Variants in CD274 observed in about 807,000 individuals in gnomAD.
CD274 encodes the protein programmed cell death 1 ligand 1.
In CD274, 8 loss-of-function variants were observed where a neutral mutation model predicts 30.1. The ratio of observed to expected loss-of-function variants is 0.27; its 90% CI spans 0.16 to 0.48. The LOEUF (loss-of-function observed/expected upper bound fraction) is 0.48, where lower values mean the gene tolerates loss of function less well. Among genes scored for constraint, CD274 ranks in the 20% least tolerant of loss-of-function variants. CD274 has a pLI of 0.99. For synonymous variants in CD274, 152 were observed against 124.6 expected (o/e 1.22, Z -1.46); for missense variants, 353 against 346.6 (o/e 1.02, Z -0.15).
intron 1 of CD274, among the ~76,000 whole-genome samples, chr9:5,455,196 T>C (rs1163662527): frequency 6.6e-6 from 1 of 152,102 alleles, no homozygotes; most frequent in Non-Finnish European, 1.5e-5. Flanking sequence ...GGAGAAAATA[T>C]TAATAAATGC....
rs1819562291 is a variant in CD274, at chr9:5,469,914, T to A, written c.*2052T>A. 4.3e-6 allele frequency: 1 copy of A among 233,104 alleles called. No homozygotes were observed. The highest frequency in any genetic ancestry group is 8.5e-6 in the Non-Finnish European group (1 of 117,980). 14.4% of individuals were successfully genotyped at this position (233,104 alleles called of 1,614,324 possible). Reference sequence around the variant, plus strand: ...AAGTATAAACTTCACTTTGATGCTGTACTTGCAAAATCACATTTTCTTTCT... The same window carrying A: ...AAGTATAAACTTCACTTTGATGCTGAACTTGCAAAATCACATTTTCTTTCT... On this transcript the variant is annotated 3_prime_UTR_variant, in exon 7 of 7. Transcript: ENST00000381577.
intron 4 of CD274, among the ~76,000 whole-genome samples, chr9:5,464,166 C>T (rs183646833): frequency 6.6e-6 from 1 of 152,218 alleles, no homozygotes; most frequent in African/African-American, 2.4e-5. Context: ...TACTGGGGTA[C>T]GAGTCCTCAG....
intron 3 of CD274, 113 bp from the exon 4 acceptor site, chr9:5,462,721 A>C: frequency 2.2e-6 from 2 of 927,062 alleles, no homozygotes; most frequent in Non-Finnish European, 3.3e-6. Context: ...CATTAAGCAT[A>C]TCCCTCTGAG....
Position 5,463,755 on chromosome 9 carries a change from G to A in CD274, c.682+634G>A, listed in dbSNP as rs191111580. On this transcript the variant is annotated intron_variant, in intron 4 of 6. Transcript: ENST00000381577. ...GACTTCTGTGTGCTTCACTTTCCCTGTAGGATTATAATCTACTGAGCAAGC... is the reference window on the plus strand; with the variant it reads ...GACTTCTGTGTGCTTCACTTTCCCTATAGGATTATAATCTACTGAGCAAGC... Among the ~76,000 whole-genome samples the A allele has an allele frequency of 6.2e-4, 94 of 152,300 alleles. 1 individual carries two copies. In the East Asian group the frequency reaches 0.01, roughly 17 times the overall value.
At chr9:5,455,259 A>T (rs1450733271) in intron 1 of CD274, among the ~76,000 whole-genome samples, 2 of 152,190 alleles carry the variant, frequency 1.3e-5, no homozygotes, top group Non-Finnish European at 2.9e-5. Flanking sequence ...TTCAACATAA[A>T]CTGCAAAAGG....
At chr9:5,467,480 T>A (rs1819516562) in intron 6 of CD274, among the ~76,000 whole-genome samples, 1 of 152,168 alleles carries the variant, frequency 6.6e-6, no homozygotes. Flanking sequence ...CTAATTTTTT[T>A]AATGTAGTTA....
rs1403472216 is a variant in CD274 at position 5,470,026 on chromosome 9, G to A, written c.*2164G>A. On this transcript the variant is annotated 3_prime_UTR_variant, in exon 7 of 7. Coordinates refer to ENST00000381577, the MANE Select transcript of CD274 (RefSeq NM_014143.4). ...GTGCTTGAACCCTTGAATGCCACCAGCTGTCATCACTACACAGCCCTCCTA... is the reference window on the plus strand; with the variant it reads ...GTGCTTGAACCCTTGAATGCCACCAACTGTCATCACTACACAGCCCTCCTA... The A allele has an allele frequency of 4.3e-6, 1 of 232,990 alleles. No homozygotes were observed. Among genetic ancestry groups the A allele is most frequent in the Admixed American group, 5.6e-5 (1 of 17,766 alleles). The allele number at this position is 232,990 out of a possible 1,614,324, so 14.4% of individuals were successfully genotyped here.
chr9:5,467,426 C>T (rs1370464677), intron 6 of CD274, among the ~76,000 whole-genome samples: 1 of 152,140 alleles, frequency 6.6e-6, no homozygotes, highest in Non-Finnish European at 1.5e-5. Context: ...GCAGAAAAAC[C>T]TCATCCAGGT....
chr9:5,452,198 G>T (rs12348873), intron 1 of CD274, among the ~76,000 whole-genome samples: 5,308 of 151,880 alleles, frequency 0.035, 284 homozygotes, highest in African/African-American at 0.12. Context: ...TGTATTTTTA[G>T]TAGAAATGGG....
Position 5,467,435 on chromosome 9 carries a change from G to T in CD274, c.851-405G>T, listed in dbSNP as rs545263864. Among the ~76,000 whole-genome samples the T allele has an allele frequency of 2.8e-4, 43 of 152,166 alleles. No individual in the cohort carries two copies. The South Asian group carries it at 7.5e-3, about 26-fold the overall frequency. On this transcript the variant is annotated intron_variant, in intron 6 of 6. Transcript: ENST00000381577. The stretch of plus-strand genomic sequence containing the variant: ...AGCAGGGCAGAAAAACCTCATCCAG[G>T]TTATTGAACTAAGAAGAAAGTTATA...
intron 3 of CD274, among the ~76,000 whole-genome samples, chr9:5,458,716 T>C (rs968503290): frequency 2.0e-5 from 3 of 152,250 alleles, no homozygotes; most frequent in African/African-American, 7.2e-5. Flanking sequence ...GCTCAGGTAA[T>C]GCCACTATTG....
At chr9:5,453,476 C>G (rs1305999267) in intron 1 of CD274, among the ~76,000 whole-genome samples, 2 of 152,190 alleles carry the variant, frequency 1.3e-5, no homozygotes, top group Non-Finnish European at 2.9e-5. Context: ...GCCTGGGGCC[C>G]TGGCACACAG....
Position 5,468,060 on chromosome 9 carries a change from G to A in CD274, c.*198G>A, listed in dbSNP as rs966728864. 9 of 603,272 alleles carry A rather than the reference G, an allele frequency of 1.5e-5. No homozygotes were observed. Among genetic ancestry groups the A allele is most frequent in the South Asian group, 2.1e-5 (1 of 47,964 alleles). The allele number at this position is 603,272 out of a possible 1,614,324, so 37.4% of individuals were successfully genotyped here. A position where few individuals can be genotyped will look rare whatever the true frequency, so the allele number is the denominator to read the frequency against. ...GAAGAAAGATGGAGTCAAACAGGGAGCCTGGAGGGAGACCTTGATACTTTC... is the reference window on the plus strand; with the variant it reads ...GAAGAAAGATGGAGTCAAACAGGGAACCTGGAGGGAGACCTTGATACTTTC... On this transcript the variant is annotated 3_prime_UTR_variant, in exon 7 of 7. Coordinates refer to ENST00000381577, the MANE Select transcript of CD274 (RefSeq NM_014143.4).
chr9:5,463,763 A>G (rs915677666), intron 4 of CD274, among the ~76,000 whole-genome samples: 8 of 152,206 alleles, frequency 5.3e-5, no homozygotes, highest in Admixed American at 5.2e-4. Context: ...CTGTAGGATT[A>G]TAATCTACTG....
At chr9:5,467,203 AG>A (rs1819511845) in intron 6 of CD274, among the ~76,000 whole-genome samples, 1 of 28,548 alleles carries the variant, frequency 3.5e-5, no homozygotes, top group Non-Finnish European at 6.1e-5. Flanking sequence ...CCATTACCAA[AG>A]AGAGAGAGAG....
intron 4 of CD274, among the ~76,000 whole-genome samples, chr9:5,464,863 G>T (rs970157411): frequency 1.3e-5 from 2 of 152,188 alleles, no homozygotes; most frequent in Non-Finnish European, 2.9e-5. Flanking sequence ...AAGGTGGGCA[G>T]ATCACTTGAG....
chr9:5,464,986 C>CT (rs2131228359), intron 4 of CD274, among the ~76,000 whole-genome samples: 2 of 151,480 alleles, frequency 1.3e-5, no homozygotes, highest in South Asian at 4.2e-4. Context: ...ACTCGGGAGA[C>CT]TGAGGCACAA....
Position 5,462,973 on chromosome 9 carries a change from G to GACC in CD274, c.545_547dup (p.Thr182dup). ...GTGACCATCAAGTCCTGAGTGGTAA[G>GACC]ACCACCACCACCAATTCCAAGAGAG... On this transcript the variant is annotated inframe_insertion, in exon 4 of 7. Transcript: ENST00000381577. 1.2e-6 allele frequency: 2 copies of GACC among 1,614,052 alleles called. No homozygotes were observed. Among genetic ancestry groups the GACC allele is most frequent in the East Asian group, 2.2e-5 (1 of 44,888 alleles).
chr9:5,469,220 G>C lies in CD274; in HGVS notation c.*1358G>C, dbSNP rs781463850. The C allele has an allele frequency of 2.6e-4, 60 of 232,742 alleles. No homozygotes were observed. Among genetic ancestry groups the C allele is most frequent in the Non-Finnish European group, 3.8e-4 (45 of 117,890 alleles). The allele number at this position is 232,742 out of a possible 1,614,324, so 14.4% of individuals were successfully genotyped here. On this transcript the variant is annotated 3_prime_UTR_variant, in exon 7 of 7. Transcript: ENST00000381577. ...CTAGCATTATATTTATTCCTGATTT[G>C]CCTTTGCCATATAATCTAATGCTTG...
Sources: allele counts gnomAD v4.1 joint callset (sites outside exome capture counted in the v4.1 genomes callset), GRCh38; gene constraint gnomAD v4.1.1; transcripts MANE v1.5; gene names NCBI Gene and HGNC (gene_info 2026-07-23, HGNC 2026-07-21).